NCOA1: variants seen among roughly 807,000 people sequenced by gnomAD.
The protein encoded by NCOA1 is Hin-2 protein.
NCOA1 carries 35 observed loss-of-function variants against 150.9 expected under a neutral mutation model. The ratio of observed to expected loss-of-function variants is 0.23; its 90% CI spans 0.18 to 0.31. The LOEUF (loss-of-function observed/expected upper bound fraction) is 0.31. Among genes scored for constraint, NCOA1 ranks in the 10% least tolerant of loss-of-function variants. The probability of loss-of-function intolerance (pLI) is 1.00; values close to 1 mark genes in which losing one functional copy is unlikely to be tolerated. For synonymous variants in NCOA1, 590 were observed against 630.0 expected (o/e 0.94, Z 0.95); for missense variants, 1,491 against 1,749.3 (o/e 0.85, Z 2.63).
At chr2:24,656,696 A>C (rs1670967593) in intron 4 of NCOA1, among the ~76,000 whole-genome samples, 1 of 152,208 alleles carries the variant, frequency 6.6e-6, no homozygotes, top group East Asian at 1.9e-4. Context: ...TTTAGTTTAC[A>C]CATGAGTGAG....
intron 3 of NCOA1, among the ~76,000 whole-genome samples, chr2:24,591,292 T>G (rs1423788025): frequency 2.0e-5 from 3 of 152,180 alleles, no homozygotes; most frequent in Non-Finnish European, 4.4e-5. Context: ...ACTGGACATG[T>G]GGTAAGCAGT....
At chr2:24,732,311 C>T (rs149972225) in intron 17 of NCOA1, among the ~76,000 whole-genome samples, 42 of 152,262 alleles carry the variant, frequency 2.8e-4, no homozygotes, top group African/African-American at 9.9e-4. Context: ...GTAAAGTATC[C>T]ACCAAGTTGA....
chr2:24,585,966 A>C (rs1216462654), intron 3 of NCOA1, among the ~76,000 whole-genome samples: 2 of 152,136 alleles, frequency 1.3e-5, no homozygotes, highest in Non-Finnish European at 2.9e-5. Context: ...TTTAATTACG[A>C]TTGCATTGAG....
intron 1 of NCOA1, among the ~76,000 whole-genome samples, chr2:24,518,427 A>C (rs1367246819): frequency 1.3e-5 from 2 of 152,144 alleles, no homozygotes; most frequent in African/African-American, 4.8e-5. Flanking sequence ...CCATAAACAC[A>C]GACAAGGGAA....
At chr2:24,683,224 AG>A in intron 8 of NCOA1, 96 bp downstream of exon 8, 2 of 669,600 alleles carry the variant, frequency 3.0e-6, no homozygotes, top group Non-Finnish European at 4.2e-6. Context: ...TATAATACAC[AG>A]TATTATATAT....
intron 1 of NCOA1, among the ~76,000 whole-genome samples, chr2:24,502,921 T>C (rs1663525262): frequency 6.6e-6 from 1 of 152,238 alleles, no homozygotes; most frequent in Admixed American, 6.5e-5. Flanking sequence ...TGGTACTTTA[T>C]ATGTACAACC....
At chr2:24,613,723 A>G (rs1668742337) in intron 3 of NCOA1, among the ~76,000 whole-genome samples, 2 of 152,058 alleles carry the variant, frequency 1.3e-5, no homozygotes, top group South Asian at 4.1e-4. Flanking sequence ...GACTGCCTGA[A>G]GCTATGCCCG....
At chr2:24,504,032 G>A (rs1409083614) in intron 1 of NCOA1, among the ~76,000 whole-genome samples, 1 of 151,964 alleles carries the variant, frequency 6.6e-6, no homozygotes, top group Non-Finnish European at 1.5e-5. Context: ...ACTGCGCCTG[G>A]CTACTTGTCT....
intron 1 of NCOA1, among the ~76,000 whole-genome samples, chr2:24,522,001 C>G (rs1026988064): frequency 2.0e-5 from 3 of 152,124 alleles, no homozygotes; most frequent in Admixed American, 6.5e-5. Flanking sequence ...CTCCCCGCCC[C>G]CCATACATAG....
intron 22 of NCOA1, 93 bp downstream of exon 22, chr2:24,762,869 G>T: frequency 3.1e-5 from 35 of 1,121,682 alleles, no homozygotes; most frequent in Non-Finnish European, 4.7e-5. Context: ...GACCTTGGGA[G>T]TCAGACCTGG....
intron 3 of NCOA1, among the ~76,000 whole-genome samples, chr2:24,624,118 A>G (rs981351360): frequency 1.3e-4 from 20 of 152,294 alleles, no homozygotes; most frequent in African/African-American, 4.6e-4. Flanking sequence ...AACCGAGGCT[A>G]TAGTACCCAA....
At chr2:24,646,101 CATT>C (rs1670460880) in intron 4 of NCOA1, among the ~76,000 whole-genome samples, 1 of 152,140 alleles carries the variant, frequency 6.6e-6, no homozygotes, top group Non-Finnish European at 1.5e-5. Context: ...TCATTTTCCT[CATT>C]ATAATGACAT....
chr2:24,705,057 T>C (rs1673350778), intron 11 of NCOA1, 29 bp from the exon 12 acceptor site: 1 of 1,601,002 alleles, frequency 6.2e-7, no homozygotes, highest in Non-Finnish European at 8.5e-7. Flanking sequence ...ATCAGAATTT[T>C]AACTAGGTTT....
Position 24,729,634 on chromosome 2 carries a change from C to A in NCOA1, c.3020C>A (p.Pro1007His), listed in dbSNP as rs777440168. 1 of 1,614,180 alleles carries A rather than the reference C, an allele frequency of 6.2e-7. No homozygotes were observed. Among genetic ancestry groups the A allele is most frequent in the South Asian group, 1.1e-5 (1 of 91,088 alleles). ...TCTCCTACTGCCAATCTCCCTAGCC[C>A]TTTCCAAGGCATGGTCAGGCAAAAA... ...SPSPTANLPS[P>H]FQGMVRQKPS... Residue 1007 changes from proline (P) to histidine (H), a missense_variant, in exon 17 of 23, where the codon CCT (proline) becomes CAT (histidine). Pro to His is a moderately conservative substitution (Grantham distance 77). Transcript: ENST00000348332.
chr2:24,498,245 A>G (rs574565971), intron 1 of NCOA1, among the ~76,000 whole-genome samples: 6 of 152,350 alleles, frequency 3.9e-5, no homozygotes, highest in South Asian at 2.1e-4. Context: ...TAGCTACTCA[A>G]TCATTCGGTC....
chr2:24,620,381 A>G (rs1251715973), intron 3 of NCOA1, among the ~76,000 whole-genome samples: 1 of 152,204 alleles, frequency 6.6e-6, no homozygotes, highest in African/African-American at 2.4e-5. Context: ...AGGTGGACGG[A>G]TCACCTGAGG....
rs1191223603 is a variant in NCOA1, at chr2:24,705,151, A to G, written c.1015A>G (p.Ser339Gly). The stretch of plus-strand genomic sequence containing the variant: ...CATATTGAATGATGGGACAATGCTT[A>G]GCGCCCACACCAAGTGTAAACTTTG... ...RFILNDGTML[S>G]AHTKCKLCYP... is the part of the protein sequence containing the mutation. The change falls in exon 12 of 23, where the codon AGC becomes GGC. Residue 339 changes from serine (S) to glycine (G), a missense_variant. Transcript: ENST00000348332. 6.2e-7 allele frequency: 1 copy of G among 1,614,030 alleles called. No homozygotes were observed. The highest frequency in any genetic ancestry group is 8.5e-7 in the Non-Finnish European group (1 of 1,179,982).
chr2:24,533,759 A>G (rs966198603), intron 1 of NCOA1, among the ~76,000 whole-genome samples: 3 of 152,202 alleles, frequency 2.0e-5, no homozygotes, highest in African/African-American at 7.2e-5. Flanking sequence ...TCATTTGCGT[A>G]TGTTGAACGA....
chr2:24,644,914 C>A (rs1278612776), intron 4 of NCOA1, among the ~76,000 whole-genome samples: 1 of 152,176 alleles, frequency 6.6e-6, no homozygotes, highest in Non-Finnish European at 1.5e-5. Context: ...AAATCCTCTT[C>A]ATCCATGTGT....
Sources: gnomAD v4.1 joint callset for allele counts (sites outside exome capture counted in the v4.1 genomes callset) on GRCh38, gnomAD v4.1.1 for gene constraint, MANE v1.5 for transcripts, NCBI Gene and HGNC (gene_info 2026-07-23, HGNC 2026-07-21) for gene names.